Variants in SLC25A40 observed in about 807,000 individuals in gnomAD.
The protein encoded by SLC25A40 is mitochondrial glutathione transporter SLC25A40.
A neutral mutation model predicts 46.5 loss-of-function variants in SLC25A40; 41 were observed. The observed-to-expected ratio is 0.88, with a 90% CI of 0.69 to 1.14. The LOEUF (loss-of-function observed/expected upper bound fraction) is 1.14, where lower values mean the gene tolerates loss of function less well. Among genes scored for constraint, SLC25A40 ranks in the 50% most tolerant of loss-of-function variants. The probability of loss-of-function intolerance (pLI) is 0.00; values close to 1 mark genes in which losing one functional copy is unlikely to be tolerated. For synonymous variants in SLC25A40, 126 were observed against 127.5 expected (o/e 0.99, Z 0.08); for missense variants, 386 against 393.6 (o/e 0.98, Z 0.16).
chr7:87,843,868 A>G lies in SLC25A40; in HGVS notation c.632-5T>C, dbSNP rs1218424322. 5 of 1,560,050 alleles carry G rather than the reference A, an allele frequency of 3.2e-6. No homozygotes were observed. The highest frequency in any genetic ancestry group is 4.4e-6 in the Non-Finnish European group (5 of 1,139,602). ...CATAGTTATACCAGTACATTGCTAT[A>G]AAAACAGAGAATGAAATGAACACAT... On this transcript the variant is annotated splice_region_variant and splice_polypyrimidine_tract_variant and intron_variant, in intron 8 of 11. Coordinates refer to ENST00000341119, the MANE Select transcript of SLC25A40 (RefSeq NM_018843.4).
At chr7:87,852,546 G>C (rs982402714) in intron 5 of SLC25A40, among the ~76,000 whole-genome samples, 1 of 152,154 alleles carries the variant, frequency 6.6e-6, no homozygotes, top group Non-Finnish European at 1.5e-5. Flanking sequence ...TCCAGCCTAG[G>C]TGACAGAGCG....
In SLC25A40 at chr7:87,864,679, C is replaced by T. The variant is rs149156607; in HGVS notation, c.-93-4039G>A. 2.4e-3 allele frequency among the ~76,000 whole-genome samples: 370 copies of T among 152,232 alleles called. 1 individual carries two copies. Among genetic ancestry groups the T allele is most frequent in the African/African-American group, 8.3e-3 (344 of 41,516 alleles). ...ATAAATGAAATACCTTTCCCCATCC[C>T]TTCATTTTCAAATTGTGTCTTTATA... On this transcript the variant is annotated intron_variant, in intron 1 of 11. Coordinates refer to ENST00000341119, the MANE Select transcript of SLC25A40 (RefSeq NM_018843.4).
intron 5 of SLC25A40, among the ~76,000 whole-genome samples, chr7:87,851,698 C>T (rs1462496645): frequency 3.9e-5 from 6 of 152,214 alleles, no homozygotes; most frequent in Non-Finnish European, 8.8e-5. Flanking sequence ...CAAAAGAGGT[C>T]TTCCCTCACA....
intron 1 of SLC25A40, among the ~76,000 whole-genome samples, chr7:87,868,396 T>C (rs1045453673): frequency 3.3e-5 from 5 of 152,166 alleles, no homozygotes; most frequent in Non-Finnish European, 7.4e-5. Flanking sequence ...CCCTGCCACC[T>C]TGATATCCTT....
At chr7:87,865,771 C>T (rs552089455) in intron 1 of SLC25A40, among the ~76,000 whole-genome samples, 46 of 150,344 alleles carry the variant, frequency 3.1e-4, no homozygotes, top group African/African-American at 1.1e-3. Context: ...GACTCCGTCT[C>T]GGGGGGAAAA....
At chr7:87,852,092 T>C (rs1838521864) in intron 5 of SLC25A40, among the ~76,000 whole-genome samples, 1 of 152,168 alleles carries the variant, frequency 6.6e-6, no homozygotes, top group South Asian at 2.1e-4. Flanking sequence ...TATAATGTCA[T>C]AAGCAGGTTG....
At chr7:87,854,492 T>C (rs1424281086) in intron 4 of SLC25A40, among the ~76,000 whole-genome samples, 182 bp from the exon 5 acceptor site, 2 of 152,204 alleles carry the variant, frequency 1.3e-5, no homozygotes, top group African/African-American at 2.4e-5. Context: ...TTTGATTTGC[T>C]TAATGCTACT....
intron 9 of SLC25A40, 91 bp downstream of exon 9, chr7:87,843,663 G>A: frequency 2.3e-6 from 2 of 886,804 alleles, no homozygotes. Flanking sequence ...CAGCCAAAGT[G>A]GATCTCAATA....
chr7:87,864,355 T>C (rs1445610569), intron 1 of SLC25A40, among the ~76,000 whole-genome samples: 1 of 152,258 alleles, frequency 6.6e-6, no homozygotes, highest in African/African-American at 2.4e-5. Context: ...ATGTGAATTA[T>C]TGTCTACTAG....
intron 2 of SLC25A40, among the ~76,000 whole-genome samples, chr7:87,859,886 G>A (rs1838672124): frequency 6.6e-6 from 1 of 151,912 alleles, no homozygotes; most frequent in African/African-American, 2.4e-5. Context: ...AAGATTGATG[G>A]GATAAGCTAT....
intron 10 of SLC25A40, chr7:87,837,182 G>A (rs1361535250): frequency 6.6e-6 from 1 of 150,990 alleles, no homozygotes; most frequent in African/African-American, 2.4e-5. Flanking sequence ...GGAGGCTGAG[G>A]TGGGAAGATC....
chr7:87,871,737 C>T (rs117005994), intron 1 of SLC25A40, among the ~76,000 whole-genome samples: 4,105 of 152,254 alleles, frequency 0.027, 56 homozygotes, highest in Middle Eastern at 0.048. Context: ...ATTTAACCAT[C>T]TATGTTTATT....
At chr7:87,836,627 TGTA>T (rs1838261290) in intron 11 of SLC25A40, 100 bp downstream of exon 11, 1 of 613,604 alleles carries the variant, frequency 1.6e-6, no homozygotes, top group Non-Finnish European at 2.6e-6. Flanking sequence ...AGAAAATAAA[TGTA>T]GTATGTTACC....
chr7:87,876,090 GC>G lies in SLC25A40; in HGVS notation c.-94+5del, dbSNP rs1453846221. ...CAGACGTCCGACCAGTGGAAAATTA[GC>G]ATACCTGGGGCAGAAGGCAGCTGCA... is the stretch of plus-strand genomic sequence containing the variant. On this transcript the variant is annotated splice_donor_5th_base_variant and intron_variant, in intron 1 of 11. Coordinates refer to ENST00000341119, the MANE Select transcript of SLC25A40 (RefSeq NM_018843.4). 6.6e-6 allele frequency: 1 copy of G among 152,502 alleles called. No individual in the cohort carries two copies. Among genetic ancestry groups the G allele is most frequent in the African/African-American group, 2.4e-5 (1 of 41,474 alleles). The allele number at this position is 152,502 out of a possible 1,614,324, so 9.4% of individuals were successfully genotyped here.
chr7:87,869,570 C>G (rs1195183041), intron 1 of SLC25A40, among the ~76,000 whole-genome samples: 4 of 151,868 alleles, frequency 2.6e-5, no homozygotes, highest in Non-Finnish European at 4.4e-5. Context: ...AACCTCTCCC[C>G]TTTATTCTAT....
chr7:87,870,050 G>A (rs962006295), intron 1 of SLC25A40, among the ~76,000 whole-genome samples: 4 of 151,794 alleles, frequency 2.6e-5, no homozygotes, highest in Non-Finnish European at 4.4e-5. Flanking sequence ...CTAAGGAATT[G>A]TTATGTTATG....
chr7:87,838,987 A>G (rs1354617343), intron 10 of SLC25A40, among the ~76,000 whole-genome samples: 1 of 151,534 alleles, frequency 6.6e-6, no homozygotes, highest in Non-Finnish European at 1.5e-5. Context: ...GCTGTTTTTA[A>G]CAATCTTGCC....
At chr7:87,852,945 G>C (rs560728769) in intron 5 of SLC25A40, among the ~76,000 whole-genome samples, 3 of 152,220 alleles carry the variant, frequency 2.0e-5, no homozygotes, top group Admixed American at 6.5e-5. Context: ...AAAGCTCTTA[G>C]CCTTGATACC....
At position 87,858,697 on chromosome 7, in the gene SLC25A40, TA is replaced by T. The variant is rs773425526; in HGVS notation, c.30del (p.Ile11SerfsTer3). MDPETRGQE[I>X]IKVTPLQQML... ...ATTTGTTGAAGAGGTGTCACTTTGA[TA>T]ATCTCTTGTCCCCTTGTCTCAGGAT... On this transcript the variant is annotated frameshift_variant, in exon 3 of 12. Coordinates refer to ENST00000341119, the MANE Select transcript of SLC25A40 (RefSeq NM_018843.4). LOFTEE classifies it high-confidence loss of function. 4.0e-5 allele frequency: 65 copies of T among 1,612,888 alleles called. No homozygotes were observed. Among genetic ancestry groups the T allele is most frequent in the Non-Finnish European group, 5.3e-5 (62 of 1,179,120 alleles).
Sources: allele counts gnomAD v4.1 joint callset (sites outside exome capture counted in the v4.1 genomes callset), GRCh38; gene constraint gnomAD v4.1.1; transcripts MANE v1.5; gene names NCBI Gene and HGNC (gene_info 2026-07-23, HGNC 2026-07-21).